Variants in LEKR1 observed in about 807,000 individuals in gnomAD.
The protein encoded by LEKR1 is leucine, glutamate and lysine rich 1, also known as protein LEKR1.
A neutral mutation model predicts 72.4 loss-of-function variants in LEKR1; 59 were observed. The observed-to-expected ratio is 0.82, with a 90% confidence interval of 0.66 to 1.01. The LOEUF (loss-of-function observed/expected upper bound fraction) is 1.01, where lower values mean the gene tolerates loss of function less well. LEKR1 is among the 50% of genes least tolerant of loss of function. LEKR1 has a pLI of 0.00. For missense variants in LEKR1, 728 were observed against 759.2 expected, an observed-to-expected ratio of 0.96 and a Z score of 0.48; for synonymous variants, 257 against 263.2, an observed-to-expected ratio of 0.98 and a Z score of 0.23.
chr3:156,863,389 C>G (rs1347810008), intron 3 of LEKR1, among the ~76,000 whole-genome samples: 3 of 152,040 alleles, frequency 2.0e-5, no homozygotes, highest in Non-Finnish European at 4.4e-5. Context: ...TCTCTTGACC[C>G]TCATCCCTCC....
chr3:156,933,356 A>G (rs983084648), intron 5 of LEKR1, among the ~76,000 whole-genome samples: 4 of 152,274 alleles, frequency 2.6e-5, no homozygotes, highest in Middle Eastern at 6.8e-3. Context: ...AGTAGAGTAT[A>G]TTCAACATTT....
chr3:156,866,884 A>G (rs907379227), intron 3 of LEKR1, among the ~76,000 whole-genome samples: 3 of 152,032 alleles, frequency 2.0e-5, no homozygotes, highest in African/African-American at 7.2e-5. Flanking sequence ...CACCCTGCAT[A>G]CTGTCCTTCA....
intron 3 of LEKR1, among the ~76,000 whole-genome samples, chr3:156,906,397 A>C (rs1369206746): frequency 6.6e-6 from 1 of 152,312 alleles, no homozygotes; most frequent in East Asian, 1.9e-4. Flanking sequence ...CATTGGCAAG[A>C]GGATTATAAT....
chr3:156,994,344 C>G (rs1731376378), intron 9 of LEKR1, among the ~76,000 whole-genome samples: 1 of 152,086 alleles, frequency 6.6e-6, no homozygotes, highest in African/African-American at 2.4e-5. Context: ...AAATCTGTTT[C>G]TACACCAGGC....
At chr3:156,922,250 A>G (rs1724263566) in intron 4 of LEKR1, among the ~76,000 whole-genome samples, 1 of 152,168 alleles carries the variant, frequency 6.6e-6, no homozygotes, top group Non-Finnish European at 1.5e-5. Flanking sequence ...CCAAATTTCT[A>G]GAGTTCAGTG....
intron 7 of LEKR1, chr3:156,980,174 T>C (rs1730060226): frequency 6.6e-6 from 1 of 152,188 alleles, no homozygotes. Flanking sequence ...TTTCAGTTCC[T>C]ATATTTTAGG....
chr3:156,894,532 A>G (rs1205694569), intron 3 of LEKR1, among the ~76,000 whole-genome samples: 1 of 152,226 alleles, frequency 6.6e-6, no homozygotes, highest in African/African-American at 2.4e-5. Context: ...ATAGAATTAG[A>G]AAAAACTATT....
chr3:156,979,150 A>G (rs1380750693), intron 6 of LEKR1, 44 bp from the exon 7 acceptor site: 1 of 851,036 alleles, frequency 1.2e-6, no homozygotes, highest in Non-Finnish European at 1.7e-6. Context: ...ATATCTGGAC[A>G]CTTAAAATGT....
intron 6 of LEKR1, among the ~76,000 whole-genome samples, chr3:156,960,649 A>G (rs971829560): frequency 2.0e-5 from 3 of 152,072 alleles, no homozygotes; most frequent in Admixed American, 1.3e-4. Flanking sequence ...TGTTTTCCCC[A>G]CATTTTTTCC....
intron 6 of LEKR1, among the ~76,000 whole-genome samples, chr3:156,952,630 T>C (rs992282354): frequency 6.6e-6 from 1 of 151,448 alleles, no homozygotes; most frequent in Non-Finnish European, 1.5e-5. Context: ...ATTGGTACAA[T>C]TACTCTAGAG....
intron 7 of LEKR1, among the ~76,000 whole-genome samples, chr3:156,989,940 T>G (rs980521903): frequency 6.6e-6 from 1 of 152,166 alleles, no homozygotes; most frequent in Non-Finnish European, 1.5e-5. Context: ...CTAATCAGTG[T>G]CATAAATTTA....
At chr3:156,905,322 C>T (rs1475562400) in intron 3 of LEKR1, among the ~76,000 whole-genome samples, 1 of 151,994 alleles carries the variant, frequency 6.6e-6, no homozygotes, top group Non-Finnish European at 1.5e-5. Context: ...AATGACTCTT[C>T]AGTATAAAAT....
chr3:157,045,576 C>T lies in LEKR1; in HGVS notation c.1905C>T (p.Asn635=), dbSNP rs1364246109. ...LNSEKGIQIP[N]LRGVSKPTTF... ...CTGAAAAAGGAATCCAAATTCCCAA[C>T]CTGCGCGGGGTGTCAAAACCCACCA... The change falls in exon 13 of 13, where the codon AAC becomes AAT. Residue 635 remains asparagine, a synonymous_variant. Coordinates refer to ENST00000356539, the MANE Select transcript of LEKR1 (RefSeq NM_001004316.3). The T allele has an allele frequency of 6.2e-7, 1 of 1,614,142 alleles. No homozygotes were observed. Among genetic ancestry groups the T allele is most frequent in the Non-Finnish European group, 8.5e-7 (1 of 1,180,026 alleles).
rs555501311 is a variant in LEKR1 at position 156,918,775 on chromosome 3, A to T, written c.264-1800A>T. The stretch of plus-strand genomic sequence containing the variant: ...ATACTAGGAGAAACAGGAAAAAAAC[A>T]TTAAAAGTAGTTGCCTTTGGCAGTG... On this transcript the variant is annotated intron_variant, in intron 3 of 12. Transcript: ENST00000356539. Among the ~76,000 whole-genome samples the T allele has an allele frequency of 2.2e-4, 34 of 152,330 alleles. 1 individual carries two copies. The South Asian group carries it at 6.8e-3, about 31-fold the overall frequency.
chr3:157,001,229 A>G (rs1731989547), intron 9 of LEKR1, among the ~76,000 whole-genome samples: 1 of 152,202 alleles, frequency 6.6e-6, no homozygotes, highest in South Asian at 2.1e-4. Context: ...AATAAATTTT[A>G]TCAGGTTTTT....
rs1313908859 is a variant in LEKR1, at chr3:157,008,644, A to G, written c.1110-2769A>G. On this transcript the variant is annotated intron_variant, in intron 9 of 12. Transcript: ENST00000356539. ...AATAGAAGAAAACTTCCTAAAACTG[A>G]TAAAGAACATCTACAAAAACCTACA... is the stretch of plus-strand genomic sequence containing the variant. 2.0e-5 allele frequency among the ~76,000 whole-genome samples: 3 copies of G among 152,224 alleles called. No homozygotes were observed. In the East Asian group the frequency reaches 5.8e-4, roughly 29 times the overall value.
At chr3:156,852,622 CAA>C in intron 2 of LEKR1, 144 bp from the exon 3 acceptor site, 1 of 406,204 alleles carries the variant, frequency 2.5e-6, no homozygotes. Context: ...ATTTTTTATA[CAA>C]GTGTTAGCAA....
intron 2 of LEKR1, among the ~76,000 whole-genome samples, chr3:156,844,185 A>G (rs1714284603): frequency 6.6e-6 from 1 of 152,128 alleles, no homozygotes; most frequent in Non-Finnish European, 1.5e-5. Context: ...TACATAGGGT[A>G]AAGCCAACAT....
At chr3:156,886,961 G>A (rs1051612590) in intron 3 of LEKR1, among the ~76,000 whole-genome samples, 1 of 152,164 alleles carries the variant, frequency 6.6e-6, no homozygotes, top group African/African-American at 2.4e-5. Context: ...CATGGTGTGA[G>A]TCTCCACATG....
Sources: allele counts gnomAD v4.1 joint callset (sites outside exome capture counted in the v4.1 genomes callset), GRCh38; gene constraint gnomAD v4.1.1; transcripts MANE v1.5; gene names NCBI Gene and HGNC (gene_info 2026-07-23, HGNC 2026-07-21).